The following GTF2H1 variants were observed in gnomAD, a reference collection of about 807,000 sequenced individuals.
GTF2H1 encodes general transcription factor IIH subunit 1, also known as BTF2 p62.
In GTF2H1, 16 loss-of-function variants were observed where a neutral mutation model predicts 71.2. The ratio of observed to expected loss-of-function variants is 0.22; its 90% CI spans 0.15 to 0.34. The LOEUF (loss-of-function observed/expected upper bound fraction) is 0.34, where lower values mean the gene tolerates loss of function less well. Ranked by LOEUF, GTF2H1 falls within the 10% of genes least tolerant of loss-of-function variation. The pLI, the probability that GTF2H1 is intolerant of heterozygous loss-of-function variation, is 1.00. For synonymous variants in GTF2H1, 215 were observed against 219.0 expected, an observed-to-expected ratio of 0.98 and a Z score of 0.16; for missense variants, 498 against 648.2, an observed-to-expected ratio of 0.77 and a Z score of 2.52.
intron 3 of GTF2H1, among the ~76,000 whole-genome samples, chr11:18,337,465 C>A (rs868267970): frequency 6.6e-6 from 1 of 151,912 alleles, no homozygotes; most frequent in Non-Finnish European, 1.5e-5. Context: ...AAAAAAACTT[C>A]ATTGCTGGAA....
chr11:18,341,374 G>C lies in GTF2H1; in HGVS notation c.721G>C (p.Asp241His). ...HRDRLNTGSK[D>H]LFAECAKIDE... is the part of the protein sequence containing the mutation. ...GGATCGGCTGAATACAGGGTCAAAGGATCTCTTTGCAGAATGTGCCAAAAT... is the reference window on the plus strand; with the variant it reads ...GGATCGGCTGAATACAGGGTCAAAGCATCTCTTTGCAGAATGTGCCAAAAT... The change falls in exon 6 of 15, where the codon GAT (aspartate) becomes CAT (histidine). Residue 241 changes from aspartate (D) to histidine (H), a missense_variant. By Grantham distance (81) the Asp-to-His change is moderately conservative. Around this residue, in one of 3 missense-constraint regions of GTF2H1, gnomAD observed 216 missense variants for 306.2 expected, o/e 0.71. Transcript: ENST00000265963. The C allele has an allele frequency of 6.2e-7, 1 of 1,613,962 alleles. No individual in the cohort carries two copies.
At chr11:18,355,823 A>G (rs1865531668) in intron 11 of GTF2H1, among the ~76,000 whole-genome samples, 1 of 152,152 alleles carries the variant, frequency 6.6e-6, no homozygotes, top group Non-Finnish European at 1.5e-5. Context: ...GTTTTGATAA[A>G]CACATGCTGT....
chr11:18,335,753 G>C lies in GTF2H1; in HGVS notation c.155-1G>C. ...CTAACTGCCCTCATGCTTCTTTTTA[G>C]GCCAGAAAATTAGTCCAGAAGGAAA... On this transcript the variant is annotated splice_acceptor_variant, in intron 2 of 14. Transcript: ENST00000265963. LOFTEE classifies it high-confidence loss of function. 2 of 1,612,216 alleles carry C rather than the reference G, an allele frequency of 1.2e-6. No homozygotes were observed. Among genetic ancestry groups the C allele is most frequent in the Non-Finnish European group, 1.7e-6 (2 of 1,178,736 alleles).
At position 18,367,000 on chromosome 11, in the gene GTF2H1, T is replaced by C. The variant is rs1428163994; in HGVS notation, c.*1131T>C. On this transcript the variant is annotated 3_prime_UTR_variant, in exon 15 of 15. Coordinates refer to ENST00000265963, the MANE Select transcript of GTF2H1 (RefSeq NM_005316.4). ...ACTTTAGATGTCTTGTATTAAAAAT[T>C]ACACAAAAAAAGTAAAACTTTTTAT... The C allele has an allele frequency of 6.6e-6, 1 of 152,142 alleles. No homozygotes were observed. Among genetic ancestry groups the C allele is most frequent in the Admixed American group, 6.6e-5 (1 of 15,266 alleles). The allele number at this position is 152,142 out of a possible 1,614,324, so 9.4% of individuals were successfully genotyped here.
chr11:18,332,428 G>A (rs780291199), intron 1 of GTF2H1, among the ~76,000 whole-genome samples: 5 of 152,154 alleles, frequency 3.3e-5, no homozygotes, highest in South Asian at 2.1e-4. Flanking sequence ...GGAGGTGGAG[G>A]GACCAGACTC....
chr11:18,343,024 C>T (rs1417421723), intron 7 of GTF2H1, among the ~76,000 whole-genome samples: 2 of 152,158 alleles, frequency 1.3e-5, no homozygotes, highest in Admixed American at 6.5e-5. Flanking sequence ...TGGGTTCAAG[C>T]GATTCTCCTG....
intron 1 of GTF2H1, among the ~76,000 whole-genome samples, chr11:18,324,632 A>T (rs1864715117): frequency 6.6e-6 from 1 of 152,232 alleles, no homozygotes. Context: ...GCCACCATTT[A>T]TCTCTGCCTT....
chr11:18,335,429 A>G (rs930444195), intron 2 of GTF2H1, among the ~76,000 whole-genome samples: 5 of 152,242 alleles, frequency 3.3e-5, no homozygotes, highest in African/African-American at 1.2e-4. Context: ...TGTTTAAAAT[A>G]CATTCAGGAA....
chr11:18,329,468 T>C (rs1864844585), intron 1 of GTF2H1, among the ~76,000 whole-genome samples: 1 of 152,264 alleles, frequency 6.6e-6, no homozygotes, highest in Non-Finnish European at 1.5e-5. Context: ...CTGTTCATTC[T>C]GCTGCTTCAG....
At chr11:18,334,155 G>A (rs1201434314) in intron 2 of GTF2H1, among the ~76,000 whole-genome samples, 6 of 152,082 alleles carry the variant, frequency 3.9e-5, no homozygotes, top group Non-Finnish European at 5.9e-5. Context: ...CGAGGTGGGC[G>A]GATCACAAGG....
In GTF2H1 at chr11:18,366,867, T is replaced by C. The variant is rs1159343076; in HGVS notation, c.*998T>C. On this transcript the variant is annotated 3_prime_UTR_variant, in exon 15 of 15. Transcript: ENST00000265963. ...ACTGTCCTTGGCGAATCGATAATCA[T>C]TGCATAGTGACTGAAAAGCCTAAGT... 3.3e-5 allele frequency: 5 copies of C among 150,936 alleles called. No individual in the cohort carries two copies. The highest frequency in any genetic ancestry group is 1.2e-4 in the African/African-American group (5 of 41,138). The allele number at this position is 150,936 out of a possible 1,614,324, so 9.3% of individuals were successfully genotyped here. A position where few individuals can be genotyped will look rare whatever the true frequency, so the allele number is the denominator to read the frequency against.
intron 1 of GTF2H1, among the ~76,000 whole-genome samples, chr11:18,323,558 CA>C (rs201531623): frequency 6.7e-6 from 1 of 148,986 alleles, no homozygotes; most frequent in East Asian, 1.9e-4. Flanking sequence ...GTCTTAAAAA[CA>C]AAAACAAAAA....
chr11:18,338,425 C>A, intron 4 of GTF2H1, 151 bp downstream of exon 4: 1 of 589,598 alleles, frequency 1.7e-6, no homozygotes, highest in South Asian at 2.1e-5. Flanking sequence ...TATTATTGAA[C>A]TATTATTATT....
intron 14 of GTF2H1, among the ~76,000 whole-genome samples, chr11:18,361,070 T>C (rs2133991371): frequency 6.6e-6 from 1 of 152,254 alleles, no homozygotes; most frequent in South Asian, 2.1e-4. Flanking sequence ...CCCAAAGTGC[T>C]AGGATTACAG....
At chr11:18,364,451 T>G (rs1360799427) in intron 14 of GTF2H1, among the ~76,000 whole-genome samples, 2 of 152,134 alleles carry the variant, frequency 1.3e-5, no homozygotes, top group African/African-American at 4.8e-5. Flanking sequence ...TGCGGTGGTA[T>G]GCACATGTAG....
intron 14 of GTF2H1, among the ~76,000 whole-genome samples, chr11:18,365,324 G>A (rs556189972): frequency 6.6e-6 from 1 of 152,130 alleles, no homozygotes; most frequent in African/African-American, 2.4e-5. Flanking sequence ...GCTGCAGTGA[G>A]CCAAAATCAC....
chr11:18,358,290 T>C (rs908235159), intron 12 of GTF2H1, among the ~76,000 whole-genome samples: 4 of 152,154 alleles, frequency 2.6e-5, no homozygotes, highest in Non-Finnish European at 5.9e-5. Context: ...GCTCCTTTCT[T>C]CTCCCCTACC....
At chr11:18,331,164 C>G (rs1378990544) in intron 1 of GTF2H1, among the ~76,000 whole-genome samples, 2 of 152,110 alleles carry the variant, frequency 1.3e-5, no homozygotes, top group South Asian at 2.1e-4. Flanking sequence ...TCTCCTGATT[C>G]TCCCGCTTCA....
At chr11:18,339,141 A>G (rs571735462) in intron 4 of GTF2H1, among the ~76,000 whole-genome samples, 2 of 152,340 alleles carry the variant, frequency 1.3e-5, no homozygotes, top group African/African-American at 2.4e-5. Flanking sequence ...TTTGAATACT[A>G]TTTGTATGTT....
Sources: allele counts gnomAD v4.1 joint callset (sites outside exome capture counted in the v4.1 genomes callset), GRCh38; gene constraint gnomAD v4.1.1; regional missense constraint gnomAD v4.1.1; transcripts MANE v1.5; gene names NCBI Gene and HGNC (gene_info 2026-07-23, HGNC 2026-07-21).